STK10: variants seen among roughly 807,000 people sequenced by gnomAD.
The protein encoded by STK10 is serine/threonine-protein kinase 10.
In STK10, 78 loss-of-function variants were observed where a neutral mutation model predicts 113.8. That is an observed-to-expected ratio of 0.69 (90% confidence interval 0.57 to 0.83). The LOEUF is 0.83. STK10 is among the 40% of genes least tolerant of loss of function. STK10 has a pLI of 0.00. For missense variants in STK10, 1,109 were observed against 1,280.1 expected (o/e 0.87, Z 2.04); for synonymous variants, 465 against 494.7 (o/e 0.94, Z 0.80).
chr5:172,164,416 C>T (rs1466343339), intron 1 of STK10, among the ~76,000 whole-genome samples: 3 of 152,006 alleles, frequency 2.0e-5, no homozygotes, highest in Non-Finnish European at 4.4e-5. Context: ...ATGAGAAGAC[C>T]GTTGATCCCT....
intron 1 of STK10, among the ~76,000 whole-genome samples, chr5:172,179,380 C>G (rs536835144): frequency 6.6e-6 from 1 of 152,304 alleles, no homozygotes; most frequent in South Asian, 2.1e-4. Context: ...AGCAGGGGGC[C>G]TGAGAGTGAC....
Position 172,090,321 on chromosome 5 carries a change from T to C in STK10, c.1596A>G (p.Lys532=), listed in dbSNP as rs1760961865. ...TCACCTCCACACCATCCACCACAAA[T>C]TTGCGTGTCCGCTTGAGGGTTTTTT... is the stretch of plus-strand genomic sequence containing the variant. ...LYKKTLKRTR[K]FVVDGVEVSI... Residue 532 remains lysine (K), a synonymous_variant, in exon 10 of 19, where the codon AAA becomes AAG. Coordinates refer to ENST00000176763, the MANE Select transcript of STK10 (RefSeq NM_005990.4). 2.5e-6 allele frequency: 4 copies of C among 1,614,040 alleles called. No individual in the cohort carries two copies. The highest frequency in any genetic ancestry group is 2.5e-6 in the Non-Finnish European group (3 of 1,179,976).
At chr5:172,099,975 G>T (rs574965605) in intron 7 of STK10, among the ~76,000 whole-genome samples, 4 of 152,328 alleles carry the variant, frequency 2.6e-5, no homozygotes, top group African/African-American at 9.6e-5. Context: ...GAGGGCCATG[G>T]GGAAGAAAGT....
chr5:172,110,665 CG>C (rs1245143898), intron 4 of STK10, among the ~76,000 whole-genome samples: 1 of 151,364 alleles, frequency 6.6e-6, no homozygotes, highest in Non-Finnish European at 1.5e-5. Flanking sequence ...AGGAGGGGGC[CG>C]GGGGTGGAAG....
At position 172,043,909 on chromosome 5, in the gene STK10, G is replaced by C. The variant is rs1767437730; in HGVS notation, c.*973C>G. ...AAACAGCCCTCCTGTTTCACCTGCA[G>C]ACAGGGTGGGCCAGAGTGCTATGGA... On this transcript the variant is annotated 3_prime_UTR_variant, in exon 19 of 19. Transcript: ENST00000176763. 1 of 152,396 alleles carries C rather than the reference G, an allele frequency of 6.6e-6. No homozygotes were observed. The highest frequency in any genetic ancestry group is 2.4e-5 in the African/African-American group (1 of 41,468). The allele number at this position is 152,396 out of a possible 1,614,324, so 9.4% of individuals were successfully genotyped here.
At chr5:172,171,619 G>A (rs1206613682) in intron 1 of STK10, among the ~76,000 whole-genome samples, 2 of 152,094 alleles carry the variant, frequency 1.3e-5, no homozygotes, top group African/African-American at 2.4e-5. Context: ...GGAAGCTGAA[G>A]CAGGAGAATC....
chr5:172,127,532 C>T (rs1369902014), intron 2 of STK10, 111 bp from the exon 3 acceptor site: 2 of 1,135,616 alleles, frequency 1.8e-6, no homozygotes, highest in African/African-American at 1.5e-5. Flanking sequence ...CCTGGGTGCC[C>T]CTGCTCTCCA....
chr5:172,060,020 G>A (rs984862869), intron 14 of STK10, among the ~76,000 whole-genome samples: 4 of 152,182 alleles, frequency 2.6e-5, no homozygotes, highest in Non-Finnish European at 5.9e-5. Flanking sequence ...CTTAACCCCT[G>A]AGGTGAGGGT....
chr5:172,139,503 A>T (rs1369028307), intron 2 of STK10, among the ~76,000 whole-genome samples: 1 of 151,818 alleles, frequency 6.6e-6, no homozygotes, highest in Non-Finnish European at 1.5e-5. Flanking sequence ...GAAAAAAAAA[A>T]AAAAAAGAAA....
intron 4 of STK10, among the ~76,000 whole-genome samples, chr5:172,113,463 T>C (rs934502931): frequency 2.6e-5 from 4 of 152,186 alleles, no homozygotes; most frequent in African/African-American, 9.7e-5. Context: ...CTCTGATAGG[T>C]AAATTACATT....
Position 172,045,002 on chromosome 5 carries a change from G to A in STK10, c.2787C>T (p.Asn929=), listed in dbSNP as rs772965472. Residue 929 remains asparagine, a synonymous_variant, in exon 19 of 19, where the codon AAC becomes AAT. Coordinates refer to ENST00000176763, the MANE Select transcript of STK10 (RefSeq NM_005990.4). ...ACATCTCCTGCTCCCGCTTCTTCTG[G>A]TTCAGATCCTCTTCCAGAGCCTAGG... ...PRKKALEEDL[N]QKKREQEMFF... 1.2e-6 allele frequency: 2 copies of A among 1,614,170 alleles called. No homozygotes were observed. Among genetic ancestry groups the A allele is most frequent in the Non-Finnish European group, 1.7e-6 (2 of 1,180,046 alleles).
At chr5:172,102,925 T>TTGGGGGGG (rs1769021452) in intron 7 of STK10, among the ~76,000 whole-genome samples, 1 of 22,198 alleles carries the variant, frequency 4.5e-5, no homozygotes, top group African/African-American at 1.1e-4. Context: ...AGATTCTGGG[T>TTGGGGGGG]GGGGGGGGCG....
chr5:172,130,318 G>A (rs1458659891), intron 2 of STK10, among the ~76,000 whole-genome samples: 1 of 152,162 alleles, frequency 6.6e-6, no homozygotes, highest in Non-Finnish European at 1.5e-5. Flanking sequence ...ATCACCTGAG[G>A]TCAGGAGTTC....
At chr5:172,173,212 C>T (rs1770693683) in intron 1 of STK10, among the ~76,000 whole-genome samples, 1 of 152,114 alleles carries the variant, frequency 6.6e-6, no homozygotes, top group African/African-American at 2.4e-5. Context: ...GCAGTGAGGG[C>T]CCCCAAAAAG....
chr5:172,179,318 C>T (rs777491877), intron 1 of STK10, among the ~76,000 whole-genome samples: 3 of 152,188 alleles, frequency 2.0e-5, no homozygotes, highest in Non-Finnish European at 4.4e-5. Context: ...CCAGATCCTA[C>T]TGAGCCCCAA....
intron 1 of STK10, among the ~76,000 whole-genome samples, chr5:172,168,822 T>G (rs554670092): frequency 2.6e-5 from 4 of 152,198 alleles, no homozygotes; most frequent in Admixed American, 2.6e-4. Context: ...GCCAGGGGTC[T>G]CCCGCCCAGC....
chr5:172,090,822 C>A (rs1001933318), intron 9 of STK10, among the ~76,000 whole-genome samples: 79 of 150,824 alleles, frequency 5.2e-4, no homozygotes, highest in African/African-American at 1.9e-3. Context: ...GTAATCACAG[C>A]TACTTGGGAG....
At chr5:172,167,618 G>C (rs1242361421) in intron 1 of STK10, among the ~76,000 whole-genome samples, 1 of 152,230 alleles carries the variant, frequency 6.6e-6, no homozygotes, top group Non-Finnish European at 1.5e-5. Flanking sequence ...TCCAGAGACA[G>C]ACACCCTCGT....
At chr5:172,072,802 A>C (rs1032540148) in intron 12 of STK10, among the ~76,000 whole-genome samples, 2 of 152,222 alleles carry the variant, frequency 1.3e-5, no homozygotes, top group African/African-American at 4.8e-5. Context: ...AAAAGCATAC[A>C]GATTGAAAAG....
Sources: allele counts gnomAD v4.1 joint callset (sites outside exome capture counted in the v4.1 genomes callset), GRCh38; gene constraint gnomAD v4.1.1; transcripts MANE v1.5; gene names NCBI Gene and HGNC (gene_info 2026-07-23, HGNC 2026-07-21).